RAB8A: variants seen among roughly 807,000 people sequenced by gnomAD.
RAB8A encodes ras-related protein Rab-8A.
In RAB8A, 5 loss-of-function variants were observed where a neutral mutation model predicts 29.2. The ratio of observed to expected loss-of-function variants is 0.17; its 90% CI spans 0.09 to 0.36. The LOEUF is 0.36. Ranked by LOEUF, RAB8A falls within the 10% of genes least tolerant of loss-of-function variation. The probability of loss-of-function intolerance (pLI) is 1.00; values close to 1 mark genes in which losing one functional copy is unlikely to be tolerated. For missense variants in RAB8A, 171 were observed against 272.2 expected (o/e 0.63, Z 2.62); for synonymous variants, 108 against 99.9 (o/e 1.08, Z -0.49).
Position 16,121,798 on chromosome 19 carries a change from C to T in RAB8A, c.234C>T (p.Tyr78=). 1 of 1,613,894 alleles carries T rather than the reference C, an allele frequency of 6.2e-7. No homozygotes were observed. The change falls in exon 3 of 8, where the codon TAC becomes TAT. Residue 78 remains tyrosine, a synonymous_variant. Coordinates refer to ENST00000300935, the MANE Select transcript of RAB8A (RefSeq NM_005370.5). ...ERFRTITTAY[Y]RGAMGIMLVY... Reference sequence around the variant, plus strand: ...TTCGGACGATCACAACGGCCTACTACAGGGGTGCAATGGTAGGGACTTTTT... The same window carrying T: ...TTCGGACGATCACAACGGCCTACTATAGGGGTGCAATGGTAGGGACTTTTT...
chr19:16,131,769 G>A (rs1599400669), intron 7 of RAB8A, among the ~76,000 whole-genome samples: 1 of 151,780 alleles, frequency 6.6e-6, no homozygotes. Flanking sequence ...TGGTTGATTG[G>A]TTTGTTGGTT....
chr19:16,126,535 A>G (rs530485315), intron 4 of RAB8A: 1 of 152,450 alleles, frequency 6.6e-6, no homozygotes, highest in South Asian at 2.1e-4. Flanking sequence ...TCCTCCAGGA[A>G]GCGTGGTCCG....
chr19:16,130,135 C>T (rs571040222), intron 7 of RAB8A, among the ~76,000 whole-genome samples: 7 of 150,634 alleles, frequency 4.6e-5, no homozygotes, highest in Non-Finnish European at 8.9e-5. Context: ...ACCCATCTAC[C>T]CTCTCATTCG....
rs1005182069 is a variant in RAB8A, at chr19:16,122,947, C to T, written c.246+1137C>T. ...GAAAACTGTGACCTGGGGCCTGTCC[C>T]GATCTTCTCTGGGCCCAAATAGCCA... On this transcript the variant is annotated intron_variant, in intron 3 of 7. Transcript: ENST00000300935. This position sits in a 1 kb window ranked among gnomAD's most constrained non-coding sequence, Gnocchi z 4.7. Among the ~76,000 whole-genome samples, 7 of 152,116 alleles carry T rather than the reference C, an allele frequency of 4.6e-5. No individual in the cohort carries two copies. Among genetic ancestry groups the T allele is most frequent in the South Asian group, 4.1e-4 (2 of 4,832 alleles).
chr19:16,119,245 G>A (rs56179237), intron 2 of RAB8A, among the ~76,000 whole-genome samples: 23,340 of 151,154 alleles, frequency 0.15, 1,928 homozygotes, highest in Non-Finnish European at 0.19. Context: ...CGCTCTTGTC[G>A]CCTAGGCTGG....
In RAB8A at chr19:16,132,410, GCCGCGGCCACCGGGC is replaced by G; in HGVS notation, c.*109_*123del. Reference sequence around the variant, plus strand: ...CTCCCACCTCCAACGCCCCGCCCACGCCGCGGCCACCGGGCCCACGGCCACCAGAATGCAATTGAG... The same window carrying G: ...CTCCCACCTCCAACGCCCCGCCCACGCCACGGCCACCAGAATGCAATTGAG... On this transcript the variant is annotated 3_prime_UTR_variant, in exon 8 of 8. Coordinates refer to ENST00000300935, the MANE Select transcript of RAB8A (RefSeq NM_005370.5). This position sits in a 1 kb window ranked among gnomAD's most constrained non-coding sequence, Gnocchi z 5.6. The G allele has an allele frequency of 9.1e-7, 1 of 1,104,828 alleles. No homozygotes were observed. The highest frequency in any genetic ancestry group is 1.3e-6 in the Non-Finnish European group (1 of 767,150). The allele number at this position is 1,104,828 out of a possible 1,614,324, so 68.4% of individuals were successfully genotyped here.
At chr19:16,123,378 T>C (rs2004360) in intron 3 of RAB8A, among the ~76,000 whole-genome samples, 98,610 of 152,050 alleles carry the variant, frequency 0.65, 32,170 homozygotes, top group Admixed American at 0.7. Context: ...GAGGCCGAGG[T>C]GGGTAGATCT....
intron 2 of RAB8A, among the ~76,000 whole-genome samples, chr19:16,119,526 G>A (rs2090863851): frequency 1.3e-5 from 2 of 151,880 alleles, no homozygotes; most frequent in Admixed American, 1.3e-4. Context: ...CTCTTAATCT[G>A]ACTTTGGGAG....
In RAB8A at chr19:16,127,870, A is replaced by G. The variant is rs2090908532; in HGVS notation, c.415-156A>G. 6 of 748,038 alleles carry G rather than the reference A, an allele frequency of 8.0e-6. No homozygotes were observed. The highest frequency in any genetic ancestry group is 1.4e-5 in the Non-Finnish European group (6 of 432,356). 46.3% of individuals were successfully genotyped at this position (748,038 alleles called of 1,614,324 possible). A position where few individuals can be genotyped will look rare whatever the true frequency, so the allele number is the denominator to read the frequency against. ...GAGGCCCTGTGGAGGGGCATTCACT[A>G]TAGAATTGAGGGAGTGATCCAGGAA... On this transcript the variant is annotated intron_variant, in intron 5 of 7. Transcript: ENST00000300935. The surrounding 1 kb of genome is among the most constrained non-coding windows in gnomAD (Gnocchi z 4.8).
chr19:16,128,280 T>A (rs2090910675), intron 6 of RAB8A, among the ~76,000 whole-genome samples, 189 bp downstream of exon 6: 2 of 152,300 alleles, frequency 1.3e-5, no homozygotes, highest in South Asian at 4.1e-4. Flanking sequence ...CCCCTGGGAA[T>A]GTGCCATCAG....
At chr19:16,121,992 A>T in intron 3 of RAB8A, 182 bp downstream of exon 3, 1 of 546,194 alleles carries the variant, frequency 1.8e-6, no homozygotes, top group Non-Finnish European at 3.4e-6. Context: ...CCATGTACAT[A>T]CCTCCCCTTC....
chr19:16,119,244 C>T (rs995163549), intron 2 of RAB8A, among the ~76,000 whole-genome samples: 9 of 151,486 alleles, frequency 5.9e-5, no homozygotes, highest in African/African-American at 2.0e-4. Flanking sequence ...TCGCTCTTGT[C>T]GCCTAGGCTG....
chr19:16,117,344 C>T (rs1282238760), intron 1 of RAB8A, among the ~76,000 whole-genome samples: 1 of 151,984 alleles, frequency 6.6e-6, no homozygotes, highest in African/African-American at 2.4e-5. Context: ...CAAAAATTGG[C>T]CGGGCATTGT....
At chr19:16,121,833 T>C (rs766650183) in intron 3 of RAB8A, 23 bp downstream of exon 3, 4 of 1,600,794 alleles carry the variant, frequency 2.5e-6, no homozygotes, top group Non-Finnish European at 3.4e-6. Flanking sequence ...TGTTTGGTTG[T>C]TTTTATCTGC....
At position 16,127,568 on chromosome 19, in the gene RAB8A, G is replaced by A; in HGVS notation, c.414+42G>A. ...AAGGGGCAGAGGGCCTCGGGGTCTT[G>A]GGGTTCTTGTGCAGAGGCCTTCCCC... is the stretch of plus-strand genomic sequence containing the variant. On this transcript the variant is annotated intron_variant, in intron 5 of 7. Coordinates refer to ENST00000300935, the MANE Select transcript of RAB8A (RefSeq NM_005370.5). The surrounding 1 kb of genome is among the most constrained non-coding windows in gnomAD (Gnocchi z 4.8). The A allele has an allele frequency of 7.0e-7, 1 of 1,424,684 alleles. No individual in the cohort carries two copies. The highest frequency in any genetic ancestry group is 9.4e-7 in the Non-Finnish European group (1 of 1,064,968). The allele number at this position is 1,424,684 out of a possible 1,614,324, so 88.3% of individuals were successfully genotyped here.
At chr19:16,117,464 G>A (rs900663178) in intron 1 of RAB8A, among the ~76,000 whole-genome samples, 1 of 151,674 alleles carries the variant, frequency 6.6e-6, no homozygotes, top group Non-Finnish European at 1.5e-5. Context: ...ACTCCAGCCT[G>A]GGCGACAGAG....
At position 16,114,319 on chromosome 19, in the gene RAB8A, C is replaced by T. The variant is rs1019807720; in HGVS notation, c.124+2294C>T. Among the ~76,000 whole-genome samples, 6 of 150,598 alleles carry T rather than the reference C, an allele frequency of 4.0e-5. No homozygotes were observed. In the South Asian group the frequency reaches 1.0e-3, roughly 26 times the overall value. ...AGAAAGAAATGATGTTAACTGTGAG[C>T]AGACTGGCTTGCATTCACTCAGATC... On this transcript the variant is annotated intron_variant, in intron 1 of 7. Coordinates refer to ENST00000300935, the MANE Select transcript of RAB8A (RefSeq NM_005370.5).
intron 4 of RAB8A, chr19:16,126,023 T>G: frequency 4.8e-6 from 1 of 207,136 alleles, no homozygotes; most frequent in South Asian, 7.6e-5. Flanking sequence ...CAACCCCTCC[T>G]CCCCTCCCAA....
At chr19:16,114,976 G>A (rs958747370) in intron 1 of RAB8A, among the ~76,000 whole-genome samples, 74 of 151,286 alleles carry the variant, frequency 4.9e-4, no homozygotes, top group African/African-American at 1.5e-3. Flanking sequence ...AGTGTAGGGC[G>A]GAGTGCTGCT....
Sources: allele counts gnomAD v4.1 joint callset (sites outside exome capture counted in the v4.1 genomes callset), GRCh38; gene constraint gnomAD v4.1.1; non-coding constraint Gnocchi (gnomAD v3.1); transcripts MANE v1.5; gene names NCBI Gene and HGNC (gene_info 2026-07-23, HGNC 2026-07-21).